Variants in ITPR2 observed in about 807,000 individuals in gnomAD.
ITPR2 encodes the protein inositol 1,4,5-trisphosphate receptor type 2.
ITPR2 carries 207 observed loss-of-function variants against 317.1 expected under a neutral mutation model. That is an observed-to-expected ratio of 0.65 (90% CI 0.58 to 0.73). The LOEUF (loss-of-function observed/expected upper bound fraction) is 0.73. Among genes scored for constraint, ITPR2 ranks in the 30% least tolerant of loss-of-function variants. ITPR2 has a pLI of 0.00. For synonymous variants in ITPR2, 1,156 were observed against 1,149.1 expected (o/e 1.01, Z -0.12); for missense variants, 2,613 against 3,284.0 (o/e 0.80, Z 4.99).
At chr12:26,641,691 T>A (rs948323600) in intron 21 of ITPR2, among the ~76,000 whole-genome samples, 1 of 152,204 alleles carries the variant, frequency 6.6e-6, no homozygotes, top group Non-Finnish European at 1.5e-5. Flanking sequence ...TACCTTTACA[T>A]AGAAATCCCT....
intron 45 of ITPR2, among the ~76,000 whole-genome samples, chr12:26,460,713 CAG>C (rs1036745937): frequency 1.1e-4 from 16 of 152,256 alleles, no homozygotes; most frequent in African/African-American, 3.6e-4. Context: ...CAGATATTCT[CAG>C]AGTCTCTGGG....
At chr12:26,775,478 G>T (rs1949943814) in intron 2 of ITPR2, among the ~76,000 whole-genome samples, 1 of 152,164 alleles carries the variant, frequency 6.6e-6, no homozygotes, top group South Asian at 2.1e-4. Flanking sequence ...AAATGAAAAA[G>T]CATCAGGAGT....
At chr12:26,409,110 T>C (rs929446484) in intron 52 of ITPR2, among the ~76,000 whole-genome samples, 2 of 152,152 alleles carry the variant, frequency 1.3e-5, no homozygotes, top group Non-Finnish European at 1.5e-5. Flanking sequence ...GGGACACCTG[T>C]AGACCTGAAT....
At position 26,339,423 on chromosome 12, in the gene ITPR2, C is replaced by T. The variant is rs1313492405; in HGVS notation, c.8080G>A (p.Val2694Met). ...CAGTGTGGTGGCATGTGATGATTCA[C>T]ATGGGGTGTGTTTGATCCGAGGAAG... Reference protein sequence around the residue: ...LGFLGSNTPHVNHHMPPH With the variant: ...LGFLGSNTPHMNHHMPPH Residue 2694 changes from valine to methionine, a missense_variant, in exon 57 of 57, where the codon GTG becomes ATG. Val to Met is a conservative substitution (Grantham distance 21). Coordinates refer to ENST00000381340, the MANE Select transcript of ITPR2 (RefSeq NM_002223.4). The T allele has an allele frequency of 1.2e-6, 2 of 1,613,786 alleles. No homozygotes were observed. The highest frequency in any genetic ancestry group is 1.7e-5 in the Admixed American group (1 of 59,996).
chr12:26,832,212 G>A (rs1463066996), intron 1 of ITPR2, among the ~76,000 whole-genome samples: 7 of 152,136 alleles, frequency 4.6e-5, no homozygotes, highest in Admixed American at 1.3e-4. Context: ...CCACACTTTG[G>A]CTCACCACAT....
intron 37 of ITPR2, among the ~76,000 whole-genome samples, chr12:26,498,470 G>A (rs1942995943): frequency 6.6e-6 from 1 of 152,180 alleles, no homozygotes; most frequent in Non-Finnish European, 1.5e-5. Context: ...GGTAATTACT[G>A]CGACTCTCAT....
chr12:26,474,699 C>A (rs1462835193), intron 45 of ITPR2, among the ~76,000 whole-genome samples: 27 of 140,516 alleles, frequency 1.9e-4, no homozygotes, highest in African/African-American at 7.1e-4. Flanking sequence ...GAGGCTGAGG[C>A]AGGAGAATGG....
chr12:26,726,548 A>G (rs1948927660), intron 2 of ITPR2, among the ~76,000 whole-genome samples: 2 of 152,324 alleles, frequency 1.3e-5, no homozygotes, highest in Non-Finnish European at 2.9e-5. Flanking sequence ...GAGTAGTAAT[A>G]CAGAAAATTC....
chr12:26,562,087 T>C (rs189349151), intron 34 of ITPR2, 135 bp from the exon 35 acceptor site: 2 of 595,524 alleles, frequency 3.4e-6, no homozygotes, highest in Admixed American at 8.1e-5. Flanking sequence ...TTTATATAAC[T>C]GTAAAAGCTT....
intron 5 of ITPR2, among the ~76,000 whole-genome samples, chr12:26,719,645 C>T (rs971086187): frequency 2.2e-4 from 33 of 152,126 alleles, no homozygotes; most frequent in African/African-American, 8.0e-4. Flanking sequence ...GGTACATGTG[C>T]ACAACGTGCA....
chr12:26,692,502 A>G (rs188439884), intron 10 of ITPR2, among the ~76,000 whole-genome samples: 2 of 152,316 alleles, frequency 1.3e-5, no homozygotes, highest in East Asian at 3.9e-4. Context: ...TTAATTCCAA[A>G]AAATTCCCCT....
At chr12:26,474,317 A>G (rs1183102771) in intron 45 of ITPR2, among the ~76,000 whole-genome samples, 1 of 152,258 alleles carries the variant, frequency 6.6e-6, no homozygotes. Flanking sequence ...CATTTTGTAA[A>G]AACAAAGGAG....
chr12:26,436,983 A>G lies in ITPR2; in HGVS notation c.6644-637T>C, dbSNP rs547858570. On this transcript the variant is annotated intron_variant, in intron 47 of 56. Coordinates refer to ENST00000381340, the MANE Select transcript of ITPR2 (RefSeq NM_002223.4). ...ATGAGCACTATAATAAAAACTGTTA[A>G]TAAGTGGAACACGCTTTGCTGCATA... is the stretch of plus-strand genomic sequence containing the variant. Among the ~76,000 whole-genome samples the G allele has an allele frequency of 8.3e-4, 126 of 152,332 alleles. 1 individual carries two copies. Among genetic ancestry groups the G allele is most frequent in the African/African-American group, 2.8e-3 (117 of 41,560 alleles).
At chr12:26,426,502 G>T (rs1026663720) in intron 49 of ITPR2, among the ~76,000 whole-genome samples, 1 of 152,112 alleles carries the variant, frequency 6.6e-6, no homozygotes, top group African/African-American at 2.4e-5. Context: ...GGCAGGTAGG[G>T]CTAAATTTAT....
intron 13 of ITPR2, among the ~76,000 whole-genome samples, chr12:26,667,868 T>C (rs1303817760): frequency 6.6e-6 from 1 of 151,984 alleles, no homozygotes; most frequent in Non-Finnish European, 1.5e-5. Context: ...TGAAAATTGG[T>C]GACGGTTAAT....
intron 47 of ITPR2, among the ~76,000 whole-genome samples, chr12:26,437,163 T>C (rs989596658): frequency 3.3e-5 from 5 of 152,246 alleles, no homozygotes; most frequent in African/African-American, 1.2e-4. Context: ...CAGCCAAATC[T>C]ACTAGCCTGC....
intron 23 of ITPR2, among the ~76,000 whole-genome samples, chr12:26,625,815 T>C (rs990194632): frequency 6.6e-6 from 1 of 152,228 alleles, no homozygotes; most frequent in Non-Finnish European, 1.5e-5. Context: ...ATGGTCTTTT[T>C]ACCTAAGCTT....
intron 4 of ITPR2, 131 bp downstream of exon 4, chr12:26,724,525 C>A (rs1200517067): frequency 1.5e-6 from 1 of 671,754 alleles, no homozygotes; most frequent in Non-Finnish European, 2.7e-6. Flanking sequence ...CACAATACGT[C>A]ACAACATCGA....
At chr12:26,665,041 T>A (rs1334087454) in intron 14 of ITPR2, among the ~76,000 whole-genome samples, 2 of 152,182 alleles carry the variant, frequency 1.3e-5, no homozygotes, top group East Asian at 3.8e-4. Context: ...ATTAATAGAA[T>A]AAAAATAATA....
Sources: allele counts gnomAD v4.1 joint callset (sites outside exome capture counted in the v4.1 genomes callset), GRCh38; gene constraint gnomAD v4.1.1; transcripts MANE v1.5; gene names NCBI Gene and HGNC (gene_info 2026-07-23, HGNC 2026-07-21).